CDH13: variants seen among roughly 807,000 people sequenced by gnomAD.
CDH13 encodes the protein cadherin-13.
A neutral mutation model predicts 63.8 loss-of-function variants in CDH13; 24 were observed. The observed-to-expected ratio is 0.38, with a 90% CI of 0.27 to 0.53. The LOEUF (loss-of-function observed/expected upper bound fraction) is 0.53, where lower values mean the gene tolerates loss of function less well. Ranked by LOEUF, CDH13 falls within the 20% of genes least tolerant of loss-of-function variation. CDH13 has a pLI of 0.85. For missense variants in CDH13, 1,049 were observed against 903.1 expected, an observed-to-expected ratio of 1.16 and a Z score of -2.07; for synonymous variants, 503 against 355.3, an observed-to-expected ratio of 1.42 and a Z score of -4.67.
At chr16:82,639,857 C>T (rs200156365) in intron 1 of CDH13, among the ~76,000 whole-genome samples, 2 of 152,242 alleles carry the variant, frequency 1.3e-5, no homozygotes, top group Admixed American at 6.5e-5. Context: ...GGTGGACAGA[C>T]ACTCTCTCCC....
chr16:83,246,253 T>A (rs1904980338), intron 5 of CDH13, among the ~76,000 whole-genome samples: 1 of 152,230 alleles, frequency 6.6e-6, no homozygotes, highest in South Asian at 2.1e-4. Context: ...AAAATTCACC[T>A]GTGGGAAATT....
chr16:83,458,119 C>T (rs1379410374), intron 6 of CDH13, among the ~76,000 whole-genome samples: 2 of 152,122 alleles, frequency 1.3e-5, no homozygotes, highest in Non-Finnish European at 2.9e-5. Flanking sequence ...TTCCAAGAAA[C>T]CCCAGGGCTT....
At chr16:83,181,051 C>G (rs530383405) in intron 4 of CDH13, 1 of 1,476,716 alleles carries the variant, frequency 6.8e-7, no homozygotes, top group African/African-American at 1.4e-5. Flanking sequence ...AATCCATTTT[C>G]TCTACAGAAT....
intron 2 of CDH13, among the ~76,000 whole-genome samples, chr16:82,921,375 ATC>A (rs1332011804): frequency 2.6e-5 from 4 of 152,260 alleles, no homozygotes; most frequent in Non-Finnish European, 5.9e-5. Context: ...CAAGGCCACT[ATC>A]TTCAAGTATC....
intron 5 of CDH13, among the ~76,000 whole-genome samples, chr16:83,277,235 C>G (rs142763130): frequency 5.9e-5 from 9 of 152,248 alleles, no homozygotes; most frequent in African/African-American, 1.9e-4. Flanking sequence ...TGGTTATGAC[C>G]TTGCATTTGG....
At chr16:82,776,473 A>G (rs1293468578) in intron 1 of CDH13, among the ~76,000 whole-genome samples, 1 of 152,168 alleles carries the variant, frequency 6.6e-6, no homozygotes. Flanking sequence ...ATCTGTAGTT[A>G]TGACTGTAGT....
At chr16:82,799,401 C>T (rs75130870) in intron 1 of CDH13, among the ~76,000 whole-genome samples, 6 of 152,044 alleles carry the variant, frequency 3.9e-5, no homozygotes, top group African/African-American at 1.2e-4. Flanking sequence ...AGTAATTTAC[C>T]GTAAGATGGG....
rs181368238 is a variant in CDH13, at chr16:83,488,605, T to A, written c.960+1950T>A. 2.9e-3 allele frequency among the ~76,000 whole-genome samples: 437 copies of A among 151,970 alleles called. 2 individuals carry two copies. Among genetic ancestry groups the A allele is most frequent in the Non-Finnish European group, 5.0e-3 (343 of 67,930 alleles). The stretch of plus-strand genomic sequence containing the variant: ...CTCCCATTCTCTTTCCAACCCTCCC[T>A]ATTTTTTTATTTTTTTATTTTTTTT... On this transcript the variant is annotated intron_variant, in intron 7 of 13. Coordinates refer to ENST00000567109, the MANE Select transcript of CDH13 (RefSeq NM_001257.5).
At chr16:83,734,727 T>TATAATAATAACA (rs1911370521) in intron 10 of CDH13, among the ~76,000 whole-genome samples, 1 of 141,850 alleles carries the variant, frequency 7.0e-6, no homozygotes, top group Non-Finnish European at 1.5e-5. Context: ...AAACTTAAAG[T>TATAATAATAACA]ATAATAATAA....
intron 2 of CDH13, among the ~76,000 whole-genome samples, chr16:82,961,050 T>A (rs1217657605): frequency 2.6e-5 from 4 of 152,174 alleles, no homozygotes; most frequent in African/African-American, 9.6e-5. Context: ...GATGCTCCGT[T>A]TTTATGCATC....
chr16:83,318,770 C>T (rs759093580), intron 5 of CDH13, among the ~76,000 whole-genome samples: 7 of 152,158 alleles, frequency 4.6e-5, no homozygotes, highest in Admixed American at 1.3e-4. Context: ...CACTGGTATT[C>T]GGATAAAAGC....
chr16:83,423,071 G>C (rs774920405), intron 6 of CDH13, among the ~76,000 whole-genome samples: 4 of 152,060 alleles, frequency 2.6e-5, no homozygotes, highest in Non-Finnish European at 4.4e-5. Flanking sequence ...TTATAATGTA[G>C]ATTTACATGT....
At chr16:82,819,890 T>C (rs1388453697) in intron 1 of CDH13, among the ~76,000 whole-genome samples, 1 of 152,058 alleles carries the variant, frequency 6.6e-6, no homozygotes, top group Non-Finnish European at 1.5e-5. Flanking sequence ...ATATATGCAA[T>C]GGGAATAGAA....
intron 1 of CDH13, among the ~76,000 whole-genome samples, chr16:82,700,977 C>T (rs1379321252): frequency 1.3e-5 from 1 of 75,494 alleles, no homozygotes; most frequent in Non-Finnish European, 2.7e-5. Flanking sequence ...CCCCCCCCGC[C>T]CCGGGCATCT....
At chr16:82,822,285 G>A (rs578025721) in intron 1 of CDH13, among the ~76,000 whole-genome samples, 6 of 152,254 alleles carry the variant, frequency 3.9e-5, no homozygotes, top group Admixed American at 2.0e-4. Context: ...AATGAGTACT[G>A]TGGAGCTCTA....
intron 1 of CDH13, among the ~76,000 whole-genome samples, chr16:82,711,609 T>A (rs2031952047): frequency 6.6e-6 from 1 of 152,176 alleles, no homozygotes; most frequent in South Asian, 2.1e-4. Context: ...GACACTGAGA[T>A]CCAGAGACAT....
At chr16:83,463,536 C>T (rs1046327418) in intron 6 of CDH13, among the ~76,000 whole-genome samples, 4 of 152,288 alleles carry the variant, frequency 2.6e-5, no homozygotes, top group East Asian at 1.9e-4. Flanking sequence ...TGCAATGGCT[C>T]CTGCTTGTAA....
At chr16:83,228,727 C>T (rs1416758895) in intron 5 of CDH13, among the ~76,000 whole-genome samples, 1 of 152,140 alleles carries the variant, frequency 6.6e-6, no homozygotes, top group East Asian at 1.9e-4. Flanking sequence ...CATGGCAGGG[C>T]TTGACTAGGA....
At chr16:83,446,548 A>G (rs1315292895) in intron 6 of CDH13, among the ~76,000 whole-genome samples, 4 of 152,210 alleles carry the variant, frequency 2.6e-5, no homozygotes, top group Non-Finnish European at 5.9e-5. Flanking sequence ...ACAGAAGTCC[A>G]TTCTGCTGAA....
Sources: gnomAD v4.1 joint callset for allele counts (sites outside exome capture counted in the v4.1 genomes callset) on GRCh38, gnomAD v4.1.1 for gene constraint, MANE v1.5 for transcripts, NCBI Gene and HGNC (gene_info 2026-07-23, HGNC 2026-07-21) for gene names.